Variants in KCNMB2 observed in about 807,000 individuals in gnomAD.
KCNMB2 encodes the protein calcium-activated potassium channel subunit beta-2.
A neutral mutation model predicts 24.5 loss-of-function variants in KCNMB2; 9 were observed. That is an observed-to-expected ratio of 0.37 (90% CI 0.22 to 0.64). KCNMB2 has a LOEUF of 0.64. Ranked by LOEUF, KCNMB2 falls within the 30% of genes least tolerant of loss-of-function variation. The pLI is 0.63. For missense variants in KCNMB2, 226 were observed against 284.3 expected, an observed-to-expected ratio of 0.79 and a Z score of 1.47; for synonymous variants, 109 against 104.4, an observed-to-expected ratio of 1.04 and a Z score of -0.27.
intron 1 of KCNMB2, among the ~76,000 whole-genome samples, chr3:178,592,726 C>A: frequency 6.6e-6 from 1 of 152,074 alleles, no homozygotes; most frequent in Middle Eastern, 3.4e-3. Context: ...TTTTGTTTTA[C>A]GAGAGTCATT....
At chr3:178,685,315 CCAT>C (rs1390347432) in intron 1 of KCNMB2, among the ~76,000 whole-genome samples, 1 of 152,208 alleles carries the variant, frequency 6.6e-6, no homozygotes, top group Non-Finnish European at 1.5e-5. Flanking sequence ...TAGGCCATAA[CCAT>C]CAATAATAAT....
chr3:178,567,765 T>C (rs1410258956), intron 1 of KCNMB2, among the ~76,000 whole-genome samples: 6 of 152,202 alleles, frequency 3.9e-5, no homozygotes, highest in Non-Finnish European at 8.8e-5. Context: ...ATGTTCTTAA[T>C]GATGACACTG....
intron 1 of KCNMB2, among the ~76,000 whole-genome samples, chr3:178,709,986 C>T (rs1255857803): frequency 6.6e-6 from 1 of 152,048 alleles, no homozygotes; most frequent in Non-Finnish European, 1.5e-5. Context: ...CAATTTATAC[C>T]GAGCACTTAA....
intron 1 of KCNMB2, among the ~76,000 whole-genome samples, chr3:178,660,106 A>C (rs1000371959): frequency 6.6e-6 from 1 of 152,158 alleles, no homozygotes; most frequent in Non-Finnish European, 1.5e-5. Flanking sequence ...ATAAATTTTG[A>C]ATCACACAGT....
chr3:178,546,237 T>C (rs990987998), intron 1 of KCNMB2, among the ~76,000 whole-genome samples: 1 of 152,204 alleles, frequency 6.6e-6, no homozygotes, highest in Non-Finnish European at 1.5e-5. Context: ...ACAATCTGCT[T>C]CTCAGTCTTC....
At chr3:178,753,703 A>G (rs1397234260) in intron 1 of KCNMB2, among the ~76,000 whole-genome samples, 2 of 152,210 alleles carry the variant, frequency 1.3e-5, no homozygotes, top group Non-Finnish European at 2.9e-5. Context: ...ATGGCATACA[A>G]TGTGATGTGT....
chr3:178,780,326 T>C (rs1028205241), intron 1 of KCNMB2, among the ~76,000 whole-genome samples: 5 of 152,196 alleles, frequency 3.3e-5, no homozygotes, highest in Non-Finnish European at 7.3e-5. Context: ...ATAGGAACAA[T>C]GCTGGCATTT....
chr3:178,718,794 A>G (rs144743134), intron 1 of KCNMB2, among the ~76,000 whole-genome samples: 6 of 152,240 alleles, frequency 3.9e-5, no homozygotes, highest in Admixed American at 1.3e-4. Context: ...TTTTCTCTAT[A>G]TCGTATATGC....
At chr3:178,585,219 T>C (rs1657015047) in intron 1 of KCNMB2, among the ~76,000 whole-genome samples, 1 of 152,224 alleles carries the variant, frequency 6.6e-6, no homozygotes, top group Non-Finnish European at 1.5e-5. Flanking sequence ...GCAGAACTTG[T>C]TAAGAACAGC....
Position 178,842,681 on chromosome 3 carries a change from A to G in KCNMB2, c.452A>G (p.Asn151Ser). 4.3e-6 allele frequency: 7 copies of G among 1,612,498 alleles called. No homozygotes were observed. Among genetic ancestry groups the G allele is most frequent in the Non-Finnish European group, 5.1e-6 (6 of 1,178,644 alleles). The change falls in exon 5 of 5, where the codon AAT (asparagine) becomes AGT (serine). Residue 151 changes from asparagine to serine, a missense_variant. Coordinates refer to ENST00000452583, the MANE Select transcript of KCNMB2 (RefSeq NM_181361.3). Reference sequence around the variant, plus strand: ...TCCTATATACCTAAATGTGGAAAAAATTTTGAAGAATCCATGTCCCTGGTG... The same window carrying G: ...TCCTATATACCTAAATGTGGAAAAAGTTTTGAAGAATCCATGTCCCTGGTG... The part of the protein sequence containing the change: ...KCSYIPKCGK[N>S]FEESMSLVNV...
chr3:178,656,726 C>G (rs538721953), intron 1 of KCNMB2, among the ~76,000 whole-genome samples: 3 of 152,150 alleles, frequency 2.0e-5, no homozygotes, highest in African/African-American at 7.2e-5. Flanking sequence ...GAGCCGAGAT[C>G]GCGCCACTGC....
chr3:178,640,730 T>C (rs1243344933), intron 1 of KCNMB2, among the ~76,000 whole-genome samples: 2 of 152,200 alleles, frequency 1.3e-5, no homozygotes, highest in Admixed American at 1.3e-4. Flanking sequence ...TTTTCTCTCA[T>C]AGATTGTGCT....
intron 4 of KCNMB2, among the ~76,000 whole-genome samples, chr3:178,841,011 A>C (rs373911878): frequency 1.3e-5 from 2 of 152,238 alleles, no homozygotes; most frequent in South Asian, 4.1e-4. Flanking sequence ...TCCAATTTCA[A>C]ATCATCTCTT....
intron 1 of KCNMB2, among the ~76,000 whole-genome samples, chr3:178,585,794 A>G (rs1443336696): frequency 2.6e-5 from 4 of 152,226 alleles, no homozygotes; most frequent in Non-Finnish European, 5.9e-5. Flanking sequence ...CTCACTTACA[A>G]CATGTATAAA....
At chr3:178,658,120 GC>G (rs1406360803) in intron 1 of KCNMB2, among the ~76,000 whole-genome samples, 2 of 152,172 alleles carry the variant, frequency 1.3e-5, no homozygotes, top group Non-Finnish European at 2.9e-5. Context: ...ATCCCATCCA[GC>G]TTAAATGCAT....
intron 1 of KCNMB2, among the ~76,000 whole-genome samples, chr3:178,720,128 C>T (rs1314329777): frequency 6.6e-6 from 1 of 152,112 alleles, no homozygotes; most frequent in Non-Finnish European, 1.5e-5. Flanking sequence ...TATCCCTCCC[C>T]ACTCCACCCA....
At chr3:178,836,488 T>C (rs1715235172) in intron 4 of KCNMB2, among the ~76,000 whole-genome samples, 1 of 152,124 alleles carries the variant, frequency 6.6e-6, no homozygotes, top group Non-Finnish European at 1.5e-5. Flanking sequence ...TGGTTTTCAG[T>C]ACTAAAGAGA....
In KCNMB2 at chr3:178,843,435, T is replaced by C; in HGVS notation, c.*498T>C. 1 of 206,452 alleles carries C rather than the reference T, an allele frequency of 4.8e-6. No individual in the cohort carries two copies. 12.8% of individuals were successfully genotyped at this position (206,452 alleles called of 1,614,324 possible). The stretch of plus-strand genomic sequence containing the variant: ...TAAAGGAAGTTAGGTACTTTTCTTG[T>C]ATTTTTTACCATATCACTGTAAAGA... On this transcript the variant is annotated 3_prime_UTR_variant, in exon 5 of 5. Coordinates refer to ENST00000452583, the MANE Select transcript of KCNMB2 (RefSeq NM_181361.3).
At chr3:178,831,834 C>G (rs1715068225) in intron 4 of KCNMB2, among the ~76,000 whole-genome samples, 1 of 152,028 alleles carries the variant, frequency 6.6e-6, no homozygotes, top group African/African-American at 2.4e-5. Flanking sequence ...AACTGTACAC[C>G]ACGCCCCTGT....
Sources: allele counts gnomAD v4.1 joint callset (sites outside exome capture counted in the v4.1 genomes callset), GRCh38; gene constraint gnomAD v4.1.1; transcripts MANE v1.5; gene names NCBI Gene and HGNC (gene_info 2026-07-23, HGNC 2026-07-21).